CNTNAP2: variants seen among roughly 807,000 people sequenced by gnomAD.
The protein encoded by CNTNAP2 is contactin associated protein 2.
In CNTNAP2, 98 loss-of-function variants were observed where a neutral mutation model predicts 155.2. That is an observed-to-expected ratio of 0.63 (90% CI 0.54 to 0.75). The LOEUF is 0.75. Ranked by LOEUF, CNTNAP2 falls within the 30% of genes least tolerant of loss-of-function variation. CNTNAP2 has a pLI of 0.00. For missense variants in CNTNAP2, 1,727 were observed against 1,688.1 expected (o/e 1.02, Z -0.40); for synonymous variants, 651 against 631.2 (o/e 1.03, Z -0.47).
intron 14 of CNTNAP2, among the ~76,000 whole-genome samples, chr7:147,950,799 A>G (rs1800915294): frequency 6.6e-6 from 1 of 152,218 alleles, no homozygotes; most frequent in Non-Finnish European, 1.5e-5. Flanking sequence ...CTCCAGGGGA[A>G]AGTTGTTGTC....
intron 15 of CNTNAP2, among the ~76,000 whole-genome samples, chr7:148,080,170 T>G (rs1468173842): frequency 6.6e-6 from 1 of 152,174 alleles, no homozygotes; most frequent in Non-Finnish European, 1.5e-5. Flanking sequence ...AATGAGCATA[T>G]AGCAGATGCA....
intron 3 of CNTNAP2, among the ~76,000 whole-genome samples, chr7:147,020,626 G>A (rs1798802359): frequency 6.6e-6 from 1 of 152,162 alleles, no homozygotes; most frequent in African/African-American, 2.4e-5. Context: ...GGCCCAGTTT[G>A]ATAGGAAATT....
At chr7:147,632,763 G>T (rs186357134) in intron 12 of CNTNAP2, among the ~76,000 whole-genome samples, 8 of 152,294 alleles carry the variant, frequency 5.3e-5, no homozygotes, top group Admixed American at 4.6e-4. Flanking sequence ...CTCAGAATAA[G>T]ACAAGAAAAT....
intron 13 of CNTNAP2, among the ~76,000 whole-genome samples, chr7:147,768,105 A>G (rs1797411082): frequency 6.6e-6 from 1 of 152,246 alleles, no homozygotes; most frequent in Non-Finnish European, 1.5e-5. Flanking sequence ...GAAATTGACC[A>G]TGATATCCTC....
chr7:147,664,106 A>T (rs925142387), intron 13 of CNTNAP2, among the ~76,000 whole-genome samples: 4 of 152,238 alleles, frequency 2.6e-5, no homozygotes, highest in Non-Finnish European at 5.9e-5. Context: ...TCCATCACTA[A>T]GTACCATAGA....
intron 3 of CNTNAP2, among the ~76,000 whole-genome samples, chr7:146,874,276 G>A (rs1012424293): frequency 2.0e-5 from 3 of 151,922 alleles, no homozygotes; most frequent in African/African-American, 7.2e-5. Flanking sequence ...GTTAAAATGA[G>A]GATCTATTAG....
intron 13 of CNTNAP2, among the ~76,000 whole-genome samples, chr7:147,806,961 ATAATT>A (rs1409942818): frequency 6.6e-6 from 1 of 152,176 alleles, no homozygotes; most frequent in Non-Finnish European, 1.5e-5. Flanking sequence ...ATAGTTAACA[ATAATT>A]TATTGTATAT....
chr7:146,316,415 A>G (rs1800905876), intron 1 of CNTNAP2, among the ~76,000 whole-genome samples: 1 of 152,136 alleles, frequency 6.6e-6, no homozygotes, highest in Admixed American at 6.6e-5. Context: ...TCTTGAACCG[A>G]CAGACATTTC....
At chr7:146,485,035 G>GT (rs1271119189) in intron 1 of CNTNAP2, among the ~76,000 whole-genome samples, 2 of 151,986 alleles carry the variant, frequency 1.3e-5, no homozygotes, top group Non-Finnish European at 1.5e-5. Context: ...GCAAGACTAG[G>GT]TTTTTTTGTT....
chr7:147,879,899 G>C (rs6946545), intron 13 of CNTNAP2, among the ~76,000 whole-genome samples: 21,759 of 152,168 alleles, frequency 0.14, 1,665 homozygotes, highest in African/African-American at 0.2. Context: ...ATAGATGCTT[G>C]CATCTTTCCC....
chr7:147,428,771 A>T (rs950224410), intron 10 of CNTNAP2, among the ~76,000 whole-genome samples: 5 of 151,950 alleles, frequency 3.3e-5, no homozygotes, highest in African/African-American at 4.8e-5. Flanking sequence ...TAAGGTTGTG[A>T]TTTTGTTGCT....
intron 13 of CNTNAP2, among the ~76,000 whole-genome samples, chr7:147,730,476 G>A (rs547084959): frequency 1.3e-5 from 2 of 152,078 alleles, no homozygotes; most frequent in African/African-American, 4.8e-5. Context: ...AGTGACCTTT[G>A]ATAATACTAT....
intron 14 of CNTNAP2, among the ~76,000 whole-genome samples, chr7:147,943,322 A>G (rs757338981): frequency 6.6e-5 from 10 of 152,224 alleles, no homozygotes; most frequent in Admixed American, 1.3e-4. Context: ...TGATTTTTAC[A>G]TGAAATGATG....
intron 12 of CNTNAP2, among the ~76,000 whole-genome samples, chr7:147,633,284 T>A (rs1002237001): frequency 6.6e-6 from 1 of 152,190 alleles, no homozygotes; most frequent in Non-Finnish European, 1.5e-5. Flanking sequence ...AAACCAAGGT[T>A]GGAGAACCTC....
chr7:147,899,729 A>G (rs1799831729), intron 13 of CNTNAP2, among the ~76,000 whole-genome samples: 1 of 152,028 alleles, frequency 6.6e-6, no homozygotes, highest in Non-Finnish European at 1.5e-5. Flanking sequence ...CACTAAAAAT[A>G]CAAAAATTAG....
chr7:147,227,451 TGGATGATA>T (rs1243958586), intron 8 of CNTNAP2, among the ~76,000 whole-genome samples: 1 of 152,004 alleles, frequency 6.6e-6, no homozygotes, highest in Non-Finnish European at 1.5e-5. Context: ...ACGTTGAAAA[TGGATGATA>T]GGAAAGCAAG....
At chr7:147,399,658 C>G (rs1284445088) in intron 10 of CNTNAP2, among the ~76,000 whole-genome samples, 1 of 152,174 alleles carries the variant, frequency 6.6e-6, no homozygotes, top group African/African-American at 2.4e-5. Context: ...ATTGAAATGT[C>G]TACTGGACGT....
At chr7:146,315,047 G>T in intron 1 of CNTNAP2, among the ~76,000 whole-genome samples, 1 of 152,150 alleles carries the variant, frequency 6.6e-6, no homozygotes, top group East Asian at 1.9e-4. Context: ...GAAGGCCCTC[G>T]TAGGTGCTGT....
chr7:147,189,954 C>A (rs934180184), intron 8 of CNTNAP2, among the ~76,000 whole-genome samples: 1 of 152,126 alleles, frequency 6.6e-6, no homozygotes, highest in East Asian at 1.9e-4. Context: ...CCGTGTTAGC[C>A]AGGATGATCT....
Sources: gnomAD v4.1 joint callset for allele counts (sites outside exome capture counted in the v4.1 genomes callset) on GRCh38, gnomAD v4.1.1 for gene constraint, MANE v1.5 for transcripts, NCBI Gene and HGNC (gene_info 2026-07-23, HGNC 2026-07-21) for gene names.